The following SOX6 variants were observed in gnomAD, a reference collection of about 807,000 sequenced individuals.
SOX6 encodes SRY-box transcription factor 6.
In SOX6, 11 loss-of-function variants were observed where a neutral mutation model predicts 97.8. The ratio of observed to expected loss-of-function variants is 0.11; its 90% confidence interval spans 0.07 to 0.19. The LOEUF (loss-of-function observed/expected upper bound fraction) is 0.19. SOX6 is among the 10% of genes least tolerant of loss of function. The pLI is 1.00. For synonymous variants in SOX6, 360 were observed against 371.4 expected, an observed-to-expected ratio of 0.97 and a Z score of 0.35; for missense variants, 810 against 1,039.5, an observed-to-expected ratio of 0.78 and a Z score of 3.04.
At chr11:16,057,469 A>G (rs943676561) in intron 9 of SOX6, among the ~76,000 whole-genome samples, 1 of 152,142 alleles carries the variant, frequency 6.6e-6, no homozygotes, top group Admixed American at 6.6e-5. Flanking sequence ...GTAATTGAAT[A>G]TATCAGGTAA....
intron 1 of SOX6, among the ~76,000 whole-genome samples, chr11:16,385,324 T>C (rs1857949639): frequency 6.6e-6 from 1 of 152,128 alleles, no homozygotes; most frequent in African/African-American, 2.4e-5. Context: ...TCATTTCTTT[T>C]CTTGGATTCT....
intron 3 of SOX6, among the ~76,000 whole-genome samples, chr11:16,623,522 C>A (rs1848577475): frequency 6.6e-6 from 1 of 152,038 alleles, no homozygotes; most frequent in African/African-American, 2.4e-5. Flanking sequence ...GTCTGTTTAC[C>A]CCACTGATTG....
At chr11:16,488,881 G>A (rs1040294997) in intron 4 of SOX6, among the ~76,000 whole-genome samples, 1 of 152,040 alleles carries the variant, frequency 6.6e-6, no homozygotes, top group African/African-American at 2.4e-5. Flanking sequence ...AAAATATCAG[G>A]GATAGCACAG....
chr11:16,732,103 TG>T (rs1478702702), intron 2 of SOX6, among the ~76,000 whole-genome samples: 7 of 152,160 alleles, frequency 4.6e-5, no homozygotes. Context: ...CACAAATAAA[TG>T]GAAAAACATT....
intron 4 of SOX6, chr11:16,577,005 G>A (rs767969158): frequency 1.3e-5 from 2 of 152,186 alleles, no homozygotes; most frequent in African/African-American, 4.8e-5. Flanking sequence ...GGGAGCGGGA[G>A]ACCAACAGGT....
intron 4 of SOX6, among the ~76,000 whole-genome samples, chr11:16,583,614 C>CATATATATATATATATATATATAT (rs534690651): frequency 1.2e-4 from 13 of 104,696 alleles, no homozygotes; most frequent in Non-Finnish European, 1.7e-4. Context: ...TATATATATA[C>CATATATATATATATATATATATAT]ATATATATAT....
chr11:16,179,785 T>G (rs532366633), intron 6 of SOX6, among the ~76,000 whole-genome samples: 1 of 152,060 alleles, frequency 6.6e-6, no homozygotes, highest in Admixed American at 6.6e-5. Flanking sequence ...CAGTCCATTC[T>G]TAAGAGATCG....
intron 4 of SOX6, among the ~76,000 whole-genome samples, chr11:16,553,244 C>A (rs539639576): frequency 1.3e-5 from 2 of 152,172 alleles, no homozygotes; most frequent in Non-Finnish European, 2.9e-5. Context: ...TTTGCTTGAA[C>A]GGTACTGCTC....
At chr11:16,513,230 T>C (rs1236095518) in intron 4 of SOX6, among the ~76,000 whole-genome samples, 1 of 152,156 alleles carries the variant, frequency 6.6e-6, no homozygotes, top group East Asian at 1.9e-4. Context: ...TAAGAAAATG[T>C]ACACAAGCTT....
intron 7 of SOX6, among the ~76,000 whole-genome samples, chr11:16,111,378 C>T (rs1430255738): frequency 6.6e-6 from 1 of 152,112 alleles, no homozygotes; most frequent in Non-Finnish European, 1.5e-5. Context: ...TTAAATCAGT[C>T]TAGTTTTAAC....
intron 6 of SOX6, among the ~76,000 whole-genome samples, chr11:16,144,843 T>C (rs1850247267): frequency 6.6e-6 from 1 of 152,150 alleles, no homozygotes; most frequent in Non-Finnish European, 1.5e-5. Context: ...GGCTCTGAAA[T>C]TGAGGCAATA....
In SOX6 at chr11:16,418,682, G is replaced by A. The variant is rs757247534; in HGVS notation, c.-5+57633C>T. ...AAACAGTGGTAGACAAAAAGTTGGGGGCAACAACAGGGAGTGGGAGGGGGG... is the reference window on the plus strand; with the variant it reads ...AAACAGTGGTAGACAAAAAGTTGGGAGCAACAACAGGGAGTGGGAGGGGGG... On this transcript the variant is annotated intron_variant, in intron 1 of 15. Transcript: ENST00000396356. 3.4e-4 allele frequency among the ~76,000 whole-genome samples: 52 copies of A among 151,968 alleles called. 1 individual carries two copies. The highest frequency in any genetic ancestry group is 2.6e-4 in the Admixed American group (4 of 15,222).
At chr11:16,483,866 G>A (rs1022219597) in intron 4 of SOX6, among the ~76,000 whole-genome samples, 2 of 152,174 alleles carry the variant, frequency 1.3e-5, no homozygotes, top group African/African-American at 2.4e-5. Flanking sequence ...AGACCTTAAC[G>A]TTCTCAGCAA....
intron 4 of SOX6, among the ~76,000 whole-genome samples, chr11:16,481,422 C>G (rs1220729002): frequency 2.0e-5 from 3 of 152,038 alleles, no homozygotes; most frequent in Non-Finnish European, 4.4e-5. Context: ...TCAAGGAAGA[C>G]AACTTAAGAT....
chr11:16,125,170 A>G lies in SOX6; in HGVS notation c.778-13247T>C, dbSNP rs777335790. Among the ~76,000 whole-genome samples, 7 of 152,034 alleles carry G rather than the reference A, an allele frequency of 4.6e-5. 1 individual carries two copies. Among genetic ancestry groups the G allele is most frequent in the African/African-American group, 7.2e-5 (3 of 41,404 alleles). On this transcript the variant is annotated intron_variant, in intron 6 of 15. Coordinates refer to ENST00000683767, the MANE Select transcript of SOX6 (RefSeq NM_001367873.1). Reference sequence around the variant, plus strand: ...CAAATACTTGTACTCATTAATTCCTATAGGGGAGAAGAGTCTAGGATATTA... The same window carrying G: ...CAAATACTTGTACTCATTAATTCCTGTAGGGGAGAAGAGTCTAGGATATTA...
chr11:16,533,975 G>A (rs1418124457), intron 4 of SOX6, among the ~76,000 whole-genome samples: 3 of 152,092 alleles, frequency 2.0e-5, no homozygotes, highest in Non-Finnish European at 4.4e-5. Flanking sequence ...ACCAGTCTAT[G>A]TCTCAAAAGC....
chr11:15,984,878 G>A (rs369656675), intron 15 of SOX6, among the ~76,000 whole-genome samples: 10 of 152,188 alleles, frequency 6.6e-5, no homozygotes, highest in East Asian at 1.9e-4. Flanking sequence ...TATTGATATC[G>A]TATTAAGCAC....
At chr11:16,542,311 T>G (rs1349530463) in intron 4 of SOX6, among the ~76,000 whole-genome samples, 1 of 151,978 alleles carries the variant, frequency 6.6e-6, no homozygotes, top group Non-Finnish European at 1.5e-5. Flanking sequence ...CTGGGGCCTG[T>G]TGGGAATGGG....
chr11:16,661,880 C>T (rs1847768668), intron 3 of SOX6, among the ~76,000 whole-genome samples: 1 of 152,092 alleles, frequency 6.6e-6, no homozygotes, highest in Non-Finnish European at 1.5e-5. Flanking sequence ...TATACTCTCT[C>T]CTCGTTTTCC....
Sources: gnomAD v4.1 joint callset for allele counts (sites outside exome capture counted in the v4.1 genomes callset) on GRCh38, gnomAD v4.1.1 for gene constraint, MANE v1.5 for transcripts, NCBI Gene and HGNC (gene_info 2026-07-23, HGNC 2026-07-21) for gene names.